The following MED12 variants were observed in gnomAD, a reference collection of about 807,000 sequenced individuals.
The protein encoded by MED12 is mediator complex subunit 12, also known as mediator of RNA polymerase II transcription subunit 12.
A neutral mutation model predicts 177.7 loss-of-function variants in MED12; 10 were observed. The ratio of observed to expected loss-of-function variants is 0.06; its 90% CI spans 0.03 to 0.10. The LOEUF (loss-of-function observed/expected upper bound fraction) is 0.10, where lower values mean the gene tolerates loss of function less well. Among genes scored for constraint, MED12 ranks in the 10% least tolerant of loss-of-function variants. The pLI, the probability that MED12 is intolerant of heterozygous loss-of-function variation, is 1.00. For missense variants in MED12, 867 were observed against 1,780.8 expected, an observed-to-expected ratio of 0.49 and a Z score of 9.23; for synonymous variants, 641 against 678.4, an observed-to-expected ratio of 0.94 and a Z score of 0.86.
At position 71,136,507 on chromosome X, in the gene MED12, C is replaced by A. The variant is rs748064846; in HGVS notation, c.5252C>A (p.Pro1751Gln). 3.3e-6 allele frequency: 4 copies of A among 1,201,096 alleles called. No homozygotes were observed. Among genetic ancestry groups the A allele is most frequent in the African/African-American group, 1.8e-5 (1 of 56,693 alleles). Residue 1751 changes from proline to glutamine, a missense_variant, in exon 37 of 45, where the codon CCG (proline) becomes CAG (glutamine). Pro to Gln is a moderately conservative substitution (Grantham distance 76). Around this residue, in one of 14 missense-constraint regions of MED12, gnomAD observed 236 missense variants for 345.2 expected, o/e 0.68. Coordinates refer to ENST00000374080, the MANE Select transcript of MED12 (RefSeq NM_005120.3). Reference protein sequence around the residue: ...PLPLPPEDEEPPAPTLLEPEK... With the variant: ...PLPLPPEDEEQPAPTLLEPEK... Reference sequence around the variant, plus strand: ...CCACTGCCCCCAGAAGATGAGGAGCCGCCTGCTCCTACCCTGCTAGAGCCT... The same window carrying A: ...CCACTGCCCCCAGAAGATGAGGAGCAGCCTGCTCCTACCCTGCTAGAGCCT...
intron 16 of MED12, 25 bp downstream of exon 16, chrX:71,125,520 A>G (rs773721650): frequency 1.2e-5 from 15 of 1,204,871 alleles, no homozygotes; most frequent in Non-Finnish European, 1.6e-5. Context: ...CCTTAAACAG[A>G]TCTCCCCCAA....
In MED12 at chrX:71,135,538, A is replaced by G. The variant is rs188352736; in HGVS notation, c.5025+285A>G. ...CTCTTTCCTCTGCTCCACCTGCCCC[A>G]TGTCCTACCCCACCCATCTATCTGG... is the stretch of plus-strand genomic sequence containing the variant. On this transcript the variant is annotated intron_variant, in intron 36 of 44. Coordinates refer to ENST00000374080, the MANE Select transcript of MED12 (RefSeq NM_005120.3). 3.0e-4 allele frequency among the ~76,000 whole-genome samples: 33 copies of G among 110,291 alleles called. 1 individual carries two copies. Among genetic ancestry groups the G allele is most frequent in the Admixed American group, 2.8e-3 (29 of 10,399 alleles).
At chrX:71,131,164 T>C (rs970043781) in intron 28 of MED12, among the ~76,000 whole-genome samples, 4 of 103,026 alleles carry the variant, frequency 3.9e-5, no homozygotes, top group African/African-American at 1.1e-4. Context: ...GTCTCGCTCT[T>C]GTCGCTCAGG....
At chrX:71,141,620 C>G (rs1384673009) in intron 43 of MED12, among the ~76,000 whole-genome samples, 1 of 111,768 alleles carries the variant, frequency 8.9e-6, no homozygotes, top group Non-Finnish European at 1.9e-5. Context: ...GAAACCCCGT[C>G]TCTACTAAAA....
chrX:71,134,073 C>CA (rs1340310551), intron 33 of MED12, among the ~76,000 whole-genome samples: 3 of 108,405 alleles, frequency 2.8e-5, no homozygotes, highest in East Asian at 2.9e-4. Context: ...ACTAAAAATA[C>CA]AAAAAAAATT....
chrX:71,142,321 C>T lies in MED12; in HGVS notation c.*103C>T. ...GCACCAGTAGTGGTTGGGGCCCTCC[C>T]CTCAGGCTCCATTTTTAATAAGTTT... On this transcript the variant is annotated 3_prime_UTR_variant, in exon 45 of 45. Transcript: ENST00000374080. 2 of 815,254 alleles carry T rather than the reference C, an allele frequency of 2.5e-6. No homozygotes were observed. The highest frequency in any genetic ancestry group is 3.7e-6 in the Non-Finnish European group (2 of 544,212). The allele number at this position is 815,254 out of a possible 1,213,427, so 67.2% of individuals were successfully genotyped here.
intron 1 of MED12, among the ~76,000 whole-genome samples, chrX:71,119,138 C>G (rs956637169): frequency 1.8e-5 from 2 of 110,120 alleles, no homozygotes; most frequent in African/African-American, 6.6e-5. Context: ...CTCGGCTGTT[C>G]GCAAGAGAAG....
At chrX:71,119,045 G>A (rs988635246) in intron 1 of MED12, among the ~76,000 whole-genome samples, 192 bp downstream of exon 1, 8 of 108,050 alleles carry the variant, frequency 7.4e-5, no homozygotes, top group African/African-American at 2.7e-4. Context: ...TGAATAGGGG[G>A]TGGTGTAGGG....
rs2092342526 is a variant in MED12 at position 71,139,983 on chromosome X, T to C, written c.6045-652T>C. Among the ~76,000 whole-genome samples, 8 of 111,218 alleles carry C rather than the reference T, an allele frequency of 7.2e-5. No homozygotes were observed. The Admixed American group carries it at 7.6e-4, about 11-fold the overall frequency. On this transcript the variant is annotated intron_variant, in intron 41 of 44. Transcript: ENST00000374080. ...ACATGTGGTAGAACAACTTGAAATG[T>C]TATTTGGGAACAACAACAGCAACAG...
At chrX:71,124,115 T>G in intron 12 of MED12, 44 bp from the exon 13 acceptor site, 1 of 1,103,623 alleles carries the variant, frequency 9.1e-7, no homozygotes, top group Non-Finnish European at 1.3e-6. Flanking sequence ...TGGCCCACCT[T>G]TTTGTGTTCT....
chrX:71,119,328 C>T, intron 1 of MED12, 45 bp from the exon 2 acceptor site: 1 of 1,018,294 alleles, frequency 9.8e-7, no homozygotes, highest in South Asian at 2.0e-5. Flanking sequence ...CCCCTTCCCC[C>T]TTCCCCTAAG....
At chrX:71,122,070 G>T in intron 7 of MED12, 130 bp from the exon 8 acceptor site, 1 of 925,027 alleles carries the variant, frequency 1.1e-6, no homozygotes, top group South Asian at 2.0e-5. Flanking sequence ...GATCGGGGTG[G>T]AGTGATGCCT....
rs748751153 is a variant in MED12 at position 71,135,264 on chromosome X, T to C, written c.5025+11T>C. 3 of 1,211,931 alleles carry C rather than the reference T, an allele frequency of 2.5e-6. No homozygotes were observed. The highest frequency in any genetic ancestry group is 2.2e-5 in the Admixed American group (1 of 46,068). On this transcript the variant is annotated intron_variant, in intron 36 of 44. Transcript: ENST00000374080. ...ATCTTCAAGAAGGAGGCATGTTCCA[T>C]TGTCTGCCCGTGTCCCTTGCCTTTT...
chrX:71,122,401 T>G (rs1244860194), intron 8 of MED12, 55 bp downstream of exon 8: 1 of 1,199,533 alleles, frequency 8.3e-7, no homozygotes, highest in Non-Finnish European at 1.1e-6. Flanking sequence ...GCTAAATTAC[T>G]CTTTCAGAAG....
chrX:71,119,727 T>C lies in MED12; in HGVS notation c.246T>C (p.Arg82=). ...GCAGCATTATTGCAGAGAAATTACG[T>C]TGTAATACCCTTCCTGACACTGGTC... ...NFSSIIAEKL[R]CNTLPDTGRR... Residue 82 remains arginine (R), a synonymous_variant, in exon 3 of 45, where the codon CGT becomes CGC. Transcript: ENST00000374080. 6 of 1,211,365 alleles carry C rather than the reference T, an allele frequency of 5.0e-6. No individual in the cohort carries two copies. Among genetic ancestry groups the C allele is most frequent in the Non-Finnish European group, 6.7e-6 (6 of 895,284 alleles).
chrX:71,140,318 GT>G (rs1189411974), intron 41 of MED12, among the ~76,000 whole-genome samples: 1 of 109,665 alleles, frequency 9.1e-6, no homozygotes, highest in Admixed American at 9.7e-5. Flanking sequence ...CTGACCTCAA[GT>G]GATCCACCCA....
rs745671946 is a variant in MED12 at position 71,121,830 on chromosome X, G to A, written c.1101+14G>A. 9.9e-6 allele frequency: 12 copies of A among 1,210,398 alleles called. No homozygotes were observed. The highest frequency in any genetic ancestry group is 5.2e-5 in the African/African-American group (3 of 57,237). On this transcript the variant is annotated intron_variant, in intron 7 of 44. Coordinates refer to ENST00000374080, the MANE Select transcript of MED12 (RefSeq NM_005120.3). ...TGTATCCTACAGGTAGGTACTAGGC[G>A]GGCCCAAGGAAGCATTGAGAGATAG...
At chrX:71,122,393 TA>T in intron 8 of MED12, 47 bp downstream of exon 8, 1 of 1,203,250 alleles carries the variant, frequency 8.3e-7, no homozygotes, top group African/African-American at 1.7e-5. Context: ...GCTATGAGGC[TA>T]AATTACTCTT....
rs34862123 is a variant in MED12 at position 71,135,408 on chromosome X, CTT to C, written c.5025+156_5025+157del. Among the ~76,000 whole-genome samples the C allele has an allele frequency of 0.23, 25,413 of 110,626 alleles. 2,688 individuals carry two copies. The highest frequency in any genetic ancestry group is 0.47 in the Middle Eastern group (98 of 207). On this transcript the variant is annotated intron_variant, in intron 36 of 44. Coordinates refer to ENST00000374080, the MANE Select transcript of MED12 (RefSeq NM_005120.3). Reference sequence around the variant, plus strand: ...CATCTCTGGGGTTTTGAGCAAATCACTTAACTTTCCTTACATTTCATCTCCAT... The same window carrying C: ...CATCTCTGGGGTTTTGAGCAAATCACAACTTTCCTTACATTTCATCTCCAT...
Sources: gnomAD v4.1 joint callset for allele counts (sites outside exome capture counted in the v4.1 genomes callset) on GRCh38, gnomAD v4.1.1 for gene constraint, gnomAD v4.1.1 regional missense constraint, MANE v1.5 for transcripts, NCBI Gene and HGNC (gene_info 2026-07-23, HGNC 2026-07-21) for gene names.